SLC2A14: variants seen among roughly 807,000 people sequenced by gnomAD.
SLC2A14 encodes solute carrier family 2, facilitated glucose transporter member 14.
In SLC2A14, 13 loss-of-function variants were observed where a neutral mutation model predicts 43.0. The observed-to-expected ratio is 0.30, with a 90% CI of 0.20 to 0.48. SLC2A14 has a LOEUF of 0.48. SLC2A14 is among the 20% of genes least tolerant of loss of function. The pLI, the probability that SLC2A14 is intolerant of heterozygous loss-of-function variation, is 0.99. For missense variants in SLC2A14, 428 were observed against 620.4 expected (o/e 0.69, Z 3.29); for synonymous variants, 190 against 233.8 (o/e 0.81, Z 1.71).
chr12:7,886,440 CA>C (rs1945691307), intron 1 of SLC2A14, among the ~76,000 whole-genome samples: 1 of 151,608 alleles, frequency 6.6e-6, no homozygotes, highest in South Asian at 2.1e-4. Flanking sequence ...TACCTGGGCT[CA>C]AAGCAGTCCT....
upstream of SLC2A14, chr12:7,891,154 A>G: frequency 6.5e-7 from 1 of 1,527,870 alleles, no homozygotes; most frequent in East Asian, 2.5e-5. Context: ...GTTGTGTGGG[A>G]GCAAAGCCAG....
chr12:7,857,930 C>A (rs984575656), intron 2 of SLC2A14, among the ~76,000 whole-genome samples: 8 of 152,178 alleles, frequency 5.3e-5, no homozygotes, highest in Middle Eastern at 6.9e-3. Flanking sequence ...TTGAGACCAA[C>A]CTGGCCAACA....
intron 1 of SLC2A14, among the ~76,000 whole-genome samples, chr12:7,889,905 G>A (rs892104096): frequency 2.0e-5 from 3 of 150,264 alleles, no homozygotes; most frequent in Admixed American, 1.4e-4. Context: ...TCCCCTTTTC[G>A]GAGCATATAG....
At position 7,827,651 on chromosome 12, in the gene SLC2A14, T is replaced by G; in HGVS notation, c.708A>C (p.Val236=). The change falls in exon 7 of 11, where the codon GTA becomes GTC. Residue 236 remains valine (V), a synonymous_variant. Coordinates refer to ENST00000431042, the MANE Select transcript of SLC2A14 (RefSeq NM_001286234.2). ...CTTTCATCTCCTGGATGTCTTGGGA[T>G]ACATCCTGGGTGCCCCACAACCGCT... The part of the protein sequence containing the change: ...ILQRLWGTQD[V]SQDIQEMKDE... The G allele has an allele frequency of 6.2e-7, 1 of 1,612,758 alleles. No homozygotes were observed. Among genetic ancestry groups the G allele is most frequent in the Non-Finnish European group, 8.5e-7 (1 of 1,179,718 alleles).
Position 7,826,861 on chromosome 12 carries a change from T to TTTTC in SLC2A14, c.864+630_864+633dup, listed in dbSNP as rs71038779. On this transcript the variant is annotated intron_variant, in intron 7 of 10. Transcript: ENST00000431042. ...TCCTTCCTTCCTTCCTTCCTTTCTTTTTTCTTTCTTTCTTTCTTTCTTTCT... is the reference window on the plus strand; with the variant it reads ...TCCTTCCTTCCTTCCTTCCTTTCTTTTTTCTTTCTTTCTTTCTTTCTTTCTTTCT... Among the ~76,000 whole-genome samples the TTTTC allele has an allele frequency of 7.7e-3, 463 of 60,266 alleles. 18 individuals carry two copies. Among genetic ancestry groups the TTTTC allele is most frequent in the African/African-American group, 0.022 (283 of 12,636 alleles). 39.5% of individuals were successfully genotyped at this position (60,266 alleles called of 152,430 possible).
intron 2 of SLC2A14, among the ~76,000 whole-genome samples, chr12:7,841,496 G>C (rs115565862): frequency 0.02 from 3,018 of 152,170 alleles, 90 homozygotes; most frequent in African/African-American, 0.069. Flanking sequence ...CCTGACCTCA[G>C]AAGATCTGCC....
upstream of SLC2A14, among the ~76,000 whole-genome samples, chr12:7,874,500 C>T (rs1212965210): frequency 2.0e-5 from 3 of 151,460 alleles, no homozygotes; most frequent in Non-Finnish European, 4.4e-5. Flanking sequence ...GGTGAAACCC[C>T]GTCTCTACTG....
upstream of SLC2A14, among the ~76,000 whole-genome samples, chr12:7,878,455 C>T (rs1439763827): frequency 2.6e-5 from 4 of 151,076 alleles, no homozygotes; most frequent in Non-Finnish European, 5.9e-5. Flanking sequence ...GACAGGGTTT[C>T]ACCATGTTGG....
chr12:7,830,277 G>A (rs1437043020), intron 4 of SLC2A14, among the ~76,000 whole-genome samples: 5 of 151,150 alleles, frequency 3.3e-5, no homozygotes, highest in South Asian at 2.1e-4. Context: ...TCATACTCCC[G>A]AGTAGCTGGG....
Position 7,882,065 on chromosome 12 carries a change from G to A in SLC2A14, c.132+8931C>T, listed in dbSNP as rs117433901. ...CTGCCCGGGCCAGCAGTGGTAACAT[G>A]TTGGCCTCCCTTTCTACACTTGGAG... is the stretch of plus-strand genomic sequence containing the variant. On this transcript the variant is annotated intron_variant, in intron 1 of 9. Transcript: ENST00000539924. Among the ~76,000 whole-genome samples, 435 of 152,210 alleles carry A rather than the reference G, an allele frequency of 2.9e-3. 5 individuals are homozygous for A. Among genetic ancestry groups the A allele is most frequent in the Non-Finnish European group, 5.1e-3 (346 of 67,988 alleles).
chr12:7,837,638 C>CCAAAAA (rs1415686871), intron 2 of SLC2A14, among the ~76,000 whole-genome samples: 1 of 52,884 alleles, frequency 1.9e-5, no homozygotes, highest in African/African-American at 8.8e-5. Flanking sequence ...AACTTCGTCT[C>CCAAAAA]AAAAAAAAAA....
At chr12:7,823,571 T>C (rs1864107663) in intron 7 of SLC2A14, among the ~76,000 whole-genome samples, 2 of 150,582 alleles carry the variant, frequency 1.3e-5, no homozygotes, top group African/African-American at 4.9e-5. Flanking sequence ...AAATACAAAA[T>C]TAGTAGGGCA....
At chr12:7,867,832 G>A (rs1945007446) in intron 2 of SLC2A14, among the ~76,000 whole-genome samples, 1 of 137,252 alleles carries the variant, frequency 7.3e-6, no homozygotes. Context: ...GTGACAGAGT[G>A]AGACTCTGTC....
chr12:7,864,063 G>A (rs376927335), intron 2 of SLC2A14, among the ~76,000 whole-genome samples: 3 of 151,816 alleles, frequency 2.0e-5, no homozygotes, highest in South Asian at 2.1e-4. Context: ...TGATCTGCAC[G>A]CCTCGGCCTC....
intron 2 of SLC2A14, among the ~76,000 whole-genome samples, chr12:7,864,486 G>A (rs1241931744): frequency 1.3e-5 from 2 of 151,920 alleles, no homozygotes; most frequent in African/African-American, 2.4e-5. Context: ...CTGCAGGTGC[G>A]CACCACCATG....
upstream of SLC2A14, among the ~76,000 whole-genome samples, chr12:7,875,255 ATAATTT>A (rs1280546534): frequency 3.6e-5 from 5 of 140,350 alleles, no homozygotes; most frequent in Middle Eastern, 3.6e-3. Context: ...ATATATATAT[ATAATTT>A]CTTTGGGAGA....
intron 2 of SLC2A14, among the ~76,000 whole-genome samples, chr12:7,850,549 C>CCA (rs1866844695): frequency 6.6e-6 from 1 of 152,104 alleles, no homozygotes; most frequent in Non-Finnish European, 1.5e-5. Flanking sequence ...GCGTGCACCA[C>CCA]CACACCCGGC....
intron 2 of SLC2A14, among the ~76,000 whole-genome samples, chr12:7,844,097 T>TC (rs1407908227): frequency 6.6e-6 from 1 of 152,138 alleles, no homozygotes; most frequent in Non-Finnish European, 1.5e-5. Flanking sequence ...CAGATCAAGA[T>TC]CTAGATTCTT....
chr12:7,879,316 A>C (rs199991017), intron 1 of SLC2A14, among the ~76,000 whole-genome samples: 5 of 109,982 alleles, frequency 4.5e-5, no homozygotes, highest in African/African-American at 2.0e-4. Context: ...TCTGCAAAAA[A>C]AAACAAACAA....
Sources: allele counts gnomAD v4.1 joint callset (sites outside exome capture counted in the v4.1 genomes callset), GRCh38; gene constraint gnomAD v4.1.1; transcripts MANE v1.5; gene names NCBI Gene and HGNC (gene_info 2026-07-23, HGNC 2026-07-21).